The following AUTS2 variants were observed in gnomAD, a reference collection of about 807,000 sequenced individuals.
AUTS2 encodes autism susceptibility gene 2 protein.
AUTS2 carries 17 observed loss-of-function variants against 112.4 expected under a neutral mutation model. The observed-to-expected ratio is 0.15, with a 90% confidence interval of 0.10 to 0.23. The LOEUF (loss-of-function observed/expected upper bound fraction) is 0.23, where lower values mean the gene tolerates loss of function less well. Ranked by LOEUF, AUTS2 falls within the 10% of genes least tolerant of loss-of-function variation. The probability of loss-of-function intolerance (pLI) is 1.00; values close to 1 mark genes in which losing one functional copy is unlikely to be tolerated. For missense variants in AUTS2, 1,510 were observed against 1,701.6 expected, an observed-to-expected ratio of 0.89 and a Z score of 1.98; for synonymous variants, 751 against 702.7, an observed-to-expected ratio of 1.07 and a Z score of -1.09.
At chr7:70,285,302 A>T (rs1326113795) in intron 4 of AUTS2, among the ~76,000 whole-genome samples, 1 of 152,192 alleles carries the variant, frequency 6.6e-6, no homozygotes, top group Non-Finnish European at 1.5e-5. Context: ...TTTATAAAAC[A>T]CATTTGCTCT....
chr7:70,035,494 T>C (rs1384886875), intron 2 of AUTS2, among the ~76,000 whole-genome samples: 2 of 152,210 alleles, frequency 1.3e-5, no homozygotes, highest in Non-Finnish European at 2.9e-5. Context: ...ATTTGTTTTC[T>C]TTTTGTCTAG....
intron 2 of AUTS2, among the ~76,000 whole-genome samples, chr7:70,108,068 A>G (rs1804868778): frequency 6.6e-6 from 1 of 152,034 alleles, no homozygotes; most frequent in African/African-American, 2.4e-5. Context: ...TTCTGTCCTC[A>G]TGGAAGTAAT....
At chr7:70,714,726 C>T (rs1157015893) in intron 6 of AUTS2, among the ~76,000 whole-genome samples, 1 of 152,182 alleles carries the variant, frequency 6.6e-6, no homozygotes, top group Non-Finnish European at 1.5e-5. Flanking sequence ...TTAGCTTGTT[C>T]CTCTGTCCCT....
intron 1 of AUTS2, among the ~76,000 whole-genome samples, chr7:69,823,865 T>G (rs1310358451): frequency 6.6e-6 from 1 of 151,754 alleles, no homozygotes; most frequent in Non-Finnish European, 1.5e-5. Flanking sequence ...ATTTGATGAG[T>G]TTTGAGGTGA....
intron 2 of AUTS2, among the ~76,000 whole-genome samples, chr7:69,962,558 A>G (rs570791523): frequency 3.3e-5 from 5 of 152,190 alleles, no homozygotes; most frequent in South Asian, 4.2e-4. Context: ...ATTGCAGTTG[A>G]AGTTATTTTT....
intron 2 of AUTS2, among the ~76,000 whole-genome samples, chr7:69,930,303 T>G (rs1332221178): frequency 6.6e-6 from 1 of 151,816 alleles, no homozygotes; most frequent in Non-Finnish European, 1.5e-5. Flanking sequence ...TCTCCAGGGC[T>G]CTCTCTCTGT....
At chr7:70,605,767 G>C (rs971805179) in intron 5 of AUTS2, among the ~76,000 whole-genome samples, 9 of 152,174 alleles carry the variant, frequency 5.9e-5, no homozygotes, top group Non-Finnish European at 1.3e-4. Context: ...ATTACAATTT[G>C]AGGAATACAC....
At chr7:69,779,219 T>C (rs1195443378) in intron 1 of AUTS2, among the ~76,000 whole-genome samples, 2 of 152,062 alleles carry the variant, frequency 1.3e-5, no homozygotes, top group East Asian at 3.9e-4. Context: ...TACTACAATT[T>C]TAGGAACACT....
intron 4 of AUTS2, among the ~76,000 whole-genome samples, chr7:70,149,115 A>T (rs201412554): frequency 0.045 from 6,803 of 152,182 alleles, 191 homozygotes; most frequent in East Asian, 0.12. Flanking sequence ...AGTATTTCTA[A>T]GATGTTATTA....
intron 1 of AUTS2, among the ~76,000 whole-genome samples, chr7:69,718,795 C>A (rs1278732411): frequency 6.6e-6 from 1 of 152,200 alleles, no homozygotes; most frequent in Admixed American, 6.5e-5. Flanking sequence ...AAACTTTGCT[C>A]TTTCCCCACT....
At chr7:70,644,299 T>TG (rs1377331033) in intron 5 of AUTS2, among the ~76,000 whole-genome samples, 1 of 152,174 alleles carries the variant, frequency 6.6e-6, no homozygotes. Flanking sequence ...GGAGTGGTGA[T>TG]GGAGAGGGAG....
chr7:70,033,484 G>A (rs79597646), intron 2 of AUTS2, among the ~76,000 whole-genome samples: 12,627 of 152,152 alleles, frequency 0.083, 617 homozygotes, highest in East Asian at 0.12. Context: ...GCTCTAGGGT[G>A]GCAAATTTAG....
chr7:70,654,317 G>T (rs1462058524), intron 5 of AUTS2, among the ~76,000 whole-genome samples: 1 of 152,172 alleles, frequency 6.6e-6, no homozygotes, highest in African/African-American at 2.4e-5. Context: ...TACAGTCTCT[G>T]TAGCAACTAC....
chr7:70,789,865 G>A lies in AUTS2; in HGVS notation c.2649G>A (p.Glu883=), dbSNP rs749271643. 8 of 1,614,160 alleles carry A rather than the reference G, an allele frequency of 5.0e-6. No homozygotes were observed. The highest frequency in any genetic ancestry group is 1.7e-5 in the Admixed American group (1 of 60,030). The change falls in exon 19 of 19, where the codon GAG becomes GAA. Residue 883 remains glutamate, a synonymous_variant. Transcript: ENST00000342771. ...TEQIRAHLNT[E]AREKDKPKER... ...AGATCCGGGCTCATCTGAACACTGAGGCTCGGGAGAAGGACAAACCCAAAG... is the reference window on the plus strand; with the variant it reads ...AGATCCGGGCTCATCTGAACACTGAAGCTCGGGAGAAGGACAAACCCAAAG...
chr7:69,844,132 TA>T (rs914289138), intron 1 of AUTS2, among the ~76,000 whole-genome samples: 2 of 151,642 alleles, frequency 1.3e-5, no homozygotes, highest in African/African-American at 4.8e-5. Context: ...AATGTGTGAT[TA>T]AAAAAAAATC....
At chr7:70,163,126 C>A (rs1426323073) in intron 4 of AUTS2, among the ~76,000 whole-genome samples, 1 of 151,644 alleles carries the variant, frequency 6.6e-6, no homozygotes. Flanking sequence ...TGGTGTGCAG[C>A]CACCTCATGG....
intron 5 of AUTS2, among the ~76,000 whole-genome samples, chr7:70,549,991 T>G (rs1325274438): frequency 6.6e-6 from 1 of 152,172 alleles, no homozygotes; most frequent in Non-Finnish European, 1.5e-5. Flanking sequence ...AGCTATACTT[T>G]AGGAAAGGTG....
chr7:70,703,040 C>A (rs1192865065), intron 6 of AUTS2, among the ~76,000 whole-genome samples: 1 of 152,154 alleles, frequency 6.6e-6, no homozygotes, highest in African/African-American at 2.4e-5. Context: ...AAACAAGTTA[C>A]CCAGCGATAC....
At chr7:69,747,207 T>C (rs950708065) in intron 1 of AUTS2, among the ~76,000 whole-genome samples, 5 of 152,246 alleles carry the variant, frequency 3.3e-5, no homozygotes, top group Non-Finnish European at 7.3e-5. Flanking sequence ...CAGCCAGTGC[T>C]GCTGGTCAGG....
Sources: gnomAD v4.1 joint callset for allele counts (sites outside exome capture counted in the v4.1 genomes callset) on GRCh38, gnomAD v4.1.1 for gene constraint, MANE v1.5 for transcripts, NCBI Gene and HGNC (gene_info 2026-07-23, HGNC 2026-07-21) for gene names.